The following OGFOD3 variants were observed in gnomAD, a reference collection of about 807,000 sequenced individuals.
OGFOD3 encodes the protein 2-oxoglutarate and iron-dependent oxygenase domain-containing protein 3.
A neutral mutation model predicts 39.8 loss-of-function variants in OGFOD3; 35 were observed. That is an observed-to-expected ratio of 0.88 (90% CI 0.67 to 1.17). The LOEUF is 1.17. OGFOD3 is among the 50% of genes most tolerant of loss of function. OGFOD3 has a pLI of 0.00. For synonymous variants in OGFOD3, 200 were observed against 192.0 expected (o/e 1.04, Z -0.34); for missense variants, 438 against 454.5 (o/e 0.96, Z 0.33).
Position 82,392,253 on chromosome 17 carries a change from A to G in OGFOD3, c.*145T>C. The G allele has an allele frequency of 1.1e-6, 1 of 902,714 alleles. No homozygotes were observed. Among genetic ancestry groups the G allele is most frequent in the South Asian group, 1.8e-5 (1 of 56,930 alleles). 55.9% of individuals were successfully genotyped at this position (902,714 alleles called of 1,614,324 possible). Reference sequence around the variant, plus strand: ...GTTCCCTTCATTTACTCACAGATGAAAAGATTAACACGTCAGCAAATCAAA... The same window carrying G: ...GTTCCCTTCATTTACTCACAGATGAGAAGATTAACACGTCAGCAAATCAAA... On this transcript the variant is annotated 3_prime_UTR_variant, in exon 9 of 9. Coordinates refer to ENST00000313056, the MANE Select transcript of OGFOD3 (RefSeq NM_024648.3). The surrounding 1 kb of genome is among the most constrained non-coding windows in gnomAD (Gnocchi z 4.2).
intron 3 of OGFOD3, 71 bp downstream of exon 3, chr17:82,411,384 C>T: frequency 2.9e-6 from 4 of 1,401,706 alleles, no homozygotes; most frequent in Non-Finnish European, 4.0e-6. Context: ...TAACAATGCT[C>T]TGCTTCCCGC....
Position 82,392,299 on chromosome 17 carries a change from C to T in OGFOD3, c.*99G>A, listed in dbSNP as rs2052606519. The T allele has an allele frequency of 3.8e-6, 5 of 1,315,008 alleles. No individual in the cohort carries two copies. Among genetic ancestry groups the T allele is most frequent in the Non-Finnish European group, 5.2e-6 (5 of 958,630 alleles). 81.5% of individuals were successfully genotyped at this position (1,315,008 alleles called of 1,614,324 possible). A position where few individuals can be genotyped will look rare whatever the true frequency, so the allele number is the denominator to read the frequency against. On this transcript the variant is annotated 3_prime_UTR_variant, in exon 9 of 9. Transcript: ENST00000313056. The surrounding 1 kb of genome is among the most constrained non-coding windows in gnomAD (Gnocchi z 4.2). ...TCAAAATCAGAGAATTCCTAAGGCA[C>T]TCTGTGCAACAGGAGCGGGTGGACG...
Position 82,403,997 on chromosome 17 carries a change from G to A in OGFOD3, c.639C>T (p.Arg213=). 6.2e-7 allele frequency: 1 copy of A among 1,611,222 alleles called. No individual in the cohort carries two copies. The highest frequency in any genetic ancestry group is 8.5e-7 in the Non-Finnish European group (1 of 1,178,940). The change falls in exon 7 of 9, where the codon CGC becomes CGT. Residue 213 remains arginine, a synonymous_variant. Coordinates refer to ENST00000313056, the MANE Select transcript of OGFOD3 (RefSeq NM_024648.3). ...CCGTCCGCGCTTCCGTGCTGTTTAT[G>A]CGGGAGAAGAAGGTGGGCTTGGTCA... ...LHLTKPTFFS[R]INSTEARTAH... is the part of the protein sequence containing the mutation.
chr17:82,412,830 C>A (rs1220428962), intron 2 of OGFOD3, among the ~76,000 whole-genome samples: 2 of 152,212 alleles, frequency 1.3e-5, no homozygotes, highest in African/African-American at 4.8e-5. Flanking sequence ...CGGGACTCCA[C>A]AATATGCTTT....
chr17:82,412,224 C>A (rs1184121321), intron 2 of OGFOD3, among the ~76,000 whole-genome samples: 3 of 152,156 alleles, frequency 2.0e-5, no homozygotes, highest in African/African-American at 4.8e-5. Flanking sequence ...ACCTTGGTGA[C>A]CTGCGGAGGC....
rs113205643 is a variant in OGFOD3 at position 82,404,194 on chromosome 17, C to T, written c.546-104G>A. 17 of 1,313,604 alleles carry T rather than the reference C, an allele frequency of 1.3e-5. No individual in the cohort carries two copies. In the African/African-American group the frequency reaches 1.5e-4, roughly 11 times the overall value. The allele number at this position is 1,313,604 out of a possible 1,614,324, so 81.4% of individuals were successfully genotyped here. A position where few individuals can be genotyped will look rare whatever the true frequency, so the allele number is the denominator to read the frequency against. On this transcript the variant is annotated intron_variant, in intron 6 of 8. Coordinates refer to ENST00000313056, the MANE Select transcript of OGFOD3 (RefSeq NM_024648.3). This position sits in a 1 kb window ranked among gnomAD's most constrained non-coding sequence, Gnocchi z 4.5. ...AAAGGAACCAGCCTTCGTACGGCTC[C>T]GGGCCCGCGGGGCGGGGGCTCCCAA... is the stretch of plus-strand genomic sequence containing the variant.
At chr17:82,414,110 C>G (rs2052996478) in intron 2 of OGFOD3, among the ~76,000 whole-genome samples, 1 of 152,036 alleles carries the variant, frequency 6.6e-6, no homozygotes, top group Non-Finnish European at 1.5e-5. Context: ...CTTCCATCCT[C>G]CCTCCCTCAT....
At chr17:82,416,031 C>T (rs1254159289) in intron 1 of OGFOD3, among the ~76,000 whole-genome samples, 3 of 151,454 alleles carry the variant, frequency 2.0e-5, no homozygotes, top group Non-Finnish European at 4.4e-5. Flanking sequence ...GGTATCGAGA[C>T]GAGCCTGACC....
At chr17:82,405,201 T>C in intron 6 of OGFOD3, 123 bp downstream of exon 6, 1 of 795,580 alleles carries the variant, frequency 1.3e-6, no homozygotes, top group Admixed American at 2.4e-5. Flanking sequence ...AACTCACTTC[T>C]GCAGGCCTGG....
rs1031324072 is a variant in OGFOD3 at position 82,404,140 on chromosome 17, C to A, written c.546-50G>T. 1.1e-5 allele frequency: 17 copies of A among 1,510,836 alleles called. No homozygotes were observed. The highest frequency in any genetic ancestry group is 2.0e-4 in the Middle Eastern group (1 of 4,938). The allele number at this position is 1,510,836 out of a possible 1,614,324, so 93.6% of individuals were successfully genotyped here. A position where few individuals can be genotyped will look rare whatever the true frequency, so the allele number is the denominator to read the frequency against. ...GCGCAGCCCCAGGCGGGAGGGGACG[C>A]TCGTGGGTCCCAACCCGTGGGTGGC... On this transcript the variant is annotated intron_variant, in intron 6 of 8. Transcript: ENST00000313056. The surrounding 1 kb of genome is among the most constrained non-coding windows in gnomAD (Gnocchi z 4.5).
Position 82,392,352 on chromosome 17 carries a change from T to C in OGFOD3, c.*46A>G, listed in dbSNP as rs1423004146. ...GGGGTGGGTGCACGACTGGCGCGGC[T>C]GCCTCCACACGGGCCCTCCTGAAGT... On this transcript the variant is annotated 3_prime_UTR_variant, in exon 9 of 9. Transcript: ENST00000313056. The surrounding 1 kb of genome is among the most constrained non-coding windows in gnomAD (Gnocchi z 4.2). 6.3e-7 allele frequency: 1 copy of C among 1,589,754 alleles called. No homozygotes were observed. Among genetic ancestry groups the C allele is most frequent in the Non-Finnish European group, 8.6e-7 (1 of 1,169,500 alleles).
chr17:82,411,689 A>C (rs1055630392), intron 2 of OGFOD3, 159 bp from the exon 3 acceptor site: 1 of 593,374 alleles, frequency 1.7e-6, no homozygotes, highest in Non-Finnish European at 3.0e-6. Flanking sequence ...TGTGCGGTGC[A>C]TCTGGAGTTC....
At chr17:82,403,617 C>T (rs1365521661) in intron 7 of OGFOD3, among the ~76,000 whole-genome samples, 3 of 152,134 alleles carry the variant, frequency 2.0e-5, no homozygotes, top group Non-Finnish European at 4.4e-5. Flanking sequence ...GGCGACAGAG[C>T]GAGACTCTGT....
rs78257080 is a variant in OGFOD3, at chr17:82,415,952, G to A, written c.75-325C>T. Reference sequence around the variant, plus strand: ...TCCTTATAAAAGCCACTTCAGGCCCGGCGCAGTGGCTTATGCCTGTAATCC... The same window carrying A: ...TCCTTATAAAAGCCACTTCAGGCCCAGCGCAGTGGCTTATGCCTGTAATCC... On this transcript the variant is annotated intron_variant, in intron 1 of 8. Coordinates refer to ENST00000313056, the MANE Select transcript of OGFOD3 (RefSeq NM_024648.3). The surrounding 1 kb of genome is among the most constrained non-coding windows in gnomAD (Gnocchi z 5.3). Among the ~76,000 whole-genome samples, 9,079 of 151,958 alleles carry A rather than the reference G, an allele frequency of 0.06. 311 individuals are homozygous for A. The highest frequency in any genetic ancestry group is 0.099 in the African/African-American group (4,111 of 41,418).
At position 82,392,340 on chromosome 17, in the gene OGFOD3, G is replaced by T. The variant is rs1487004431; in HGVS notation, c.*58C>A. 10 of 1,570,746 alleles carry T rather than the reference G, an allele frequency of 6.4e-6. No homozygotes were observed. In the East Asian group the frequency reaches 1.9e-4, roughly 29 times the overall value. On this transcript the variant is annotated 3_prime_UTR_variant, in exon 9 of 9. Coordinates refer to ENST00000313056, the MANE Select transcript of OGFOD3 (RefSeq NM_024648.3). The surrounding 1 kb of genome is among the most constrained non-coding windows in gnomAD (Gnocchi z 4.2). ...CGGGTGGACGTGGGGGTGGGTGCACGACTGGCGCGGCTGCCTCCACACGGG... is the reference window on the plus strand; with the variant it reads ...CGGGTGGACGTGGGGGTGGGTGCACTACTGGCGCGGCTGCCTCCACACGGG...
intron 4 of OGFOD3, among the ~76,000 whole-genome samples, chr17:82,408,644 A>T (rs969693077): frequency 6.6e-6 from 1 of 151,954 alleles, no homozygotes; most frequent in Non-Finnish European, 1.5e-5. Flanking sequence ...CGCCTCTTCC[A>T]TGGCCGCACT....
rs190578265 is a variant in OGFOD3, at chr17:82,409,828, G to C, written c.381-418C>G. 8.9e-4 allele frequency among the ~76,000 whole-genome samples: 136 copies of C among 152,312 alleles called. 2 individuals carry two copies. The highest frequency in any genetic ancestry group is 8.6e-3 in the Admixed American group (132 of 15,298). The stretch of plus-strand genomic sequence containing the variant: ...GAGAATCGCTTGAACCCAGAAGGCA[G>C]AGGTTGCAGTGAGCCGAGATCGCGC... On this transcript the variant is annotated intron_variant, in intron 3 of 8. Coordinates refer to ENST00000313056, the MANE Select transcript of OGFOD3 (RefSeq NM_024648.3).
At chr17:82,410,126 C>T (rs1448648503) in intron 3 of OGFOD3, among the ~76,000 whole-genome samples, 3 of 152,194 alleles carry the variant, frequency 2.0e-5, no homozygotes, top group Non-Finnish European at 2.9e-5. Flanking sequence ...GACACCCACA[C>T]GCCAGCTGTG....
rs202122864 is a variant in OGFOD3 at position 82,392,363 on chromosome 17, G to T, written c.*35C>A. ...ACGACTGGCGCGGCTGCCTCCACAC[G>T]GGCCCTCCTGAAGTTACCTTGGCCC... On this transcript the variant is annotated 3_prime_UTR_variant, in exon 9 of 9. Coordinates refer to ENST00000313056, the MANE Select transcript of OGFOD3 (RefSeq NM_024648.3). This position sits in a 1 kb window ranked among gnomAD's most constrained non-coding sequence, Gnocchi z 4.2. The T allele has an allele frequency of 6.3e-7, 1 of 1,597,090 alleles. No individual in the cohort carries two copies. The highest frequency in any genetic ancestry group is 1.1e-5 in the South Asian group (1 of 88,200).
Sources: allele counts gnomAD v4.1 joint callset (sites outside exome capture counted in the v4.1 genomes callset), GRCh38; gene constraint gnomAD v4.1.1; non-coding constraint Gnocchi (gnomAD v3.1); transcripts MANE v1.5; gene names NCBI Gene and HGNC (gene_info 2026-07-23, HGNC 2026-07-21).